The following NEGR1 variants were observed in gnomAD, a reference collection of about 807,000 sequenced individuals.
NEGR1 encodes the protein neuronal growth regulator 1.
In NEGR1, 10 loss-of-function variants were observed where a neutral mutation model predicts 40.9. That is an observed-to-expected ratio of 0.24 (90% CI 0.15 to 0.42). NEGR1 has a LOEUF of 0.42. Among genes scored for constraint, NEGR1 ranks in the 10% least tolerant of loss-of-function variants. The probability of loss-of-function intolerance (pLI) is 1.00; values close to 1 mark genes in which losing one functional copy is unlikely to be tolerated. For missense variants in NEGR1, 352 were observed against 438.9 expected, an observed-to-expected ratio of 0.80 and a Z score of 1.77; for synonymous variants, 185 against 166.8, an observed-to-expected ratio of 1.11 and a Z score of -0.84.
At chr1:71,688,419 G>GAT (rs369173500) in intron 4 of NEGR1, among the ~76,000 whole-genome samples, 156 of 4,808 alleles carry the variant, frequency 0.032, no homozygotes, top group East Asian at 0.056. Context: ...ATATATAAAA[G>GAT]ATATATATAT....
chr1:71,904,220 T>C (rs948140000), intron 2 of NEGR1, among the ~76,000 whole-genome samples: 2 of 152,036 alleles, frequency 1.3e-5, no homozygotes, highest in African/African-American at 4.8e-5. Context: ...TATTTAGTAA[T>C]AACTGGATTT....
At chr1:71,560,114 C>T (rs971392232) in intron 6 of NEGR1, among the ~76,000 whole-genome samples, 2 of 150,770 alleles carry the variant, frequency 1.3e-5, no homozygotes, top group African/African-American at 4.9e-5. Context: ...ATGATGATAA[C>T]TATATATGAA....
chr1:71,534,763 A>G (rs956964432), intron 6 of NEGR1, among the ~76,000 whole-genome samples: 7 of 151,750 alleles, frequency 4.6e-5, no homozygotes, highest in Admixed American at 2.0e-4. Context: ...ATATTCTAGG[A>G]GCTGAAATCA....
At chr1:71,969,163 C>T (rs1043989553) in intron 1 of NEGR1, among the ~76,000 whole-genome samples, 41 of 151,936 alleles carry the variant, frequency 2.7e-4, no homozygotes, top group African/African-American at 8.2e-4. Flanking sequence ...TACAGGCACC[C>T]GCCACCACGC....
At chr1:71,485,445 T>TCCCA (rs2101377426) in intron 6 of NEGR1, among the ~76,000 whole-genome samples, 1 of 151,672 alleles carries the variant, frequency 6.6e-6, no homozygotes, top group Admixed American at 6.6e-5. Context: ...CATTATTATC[T>TCCCA]CCCAGAGTCT....
intron 3 of NEGR1, among the ~76,000 whole-genome samples, chr1:71,721,875 T>C (rs530183520): frequency 1.8e-4 from 28 of 151,924 alleles, no homozygotes; most frequent in African/African-American, 6.0e-4. Context: ...CATGTTAACA[T>C]AGGGAAAAAG....
At chr1:71,716,398 A>G (rs990081891) in intron 3 of NEGR1, among the ~76,000 whole-genome samples, 4 of 152,242 alleles carry the variant, frequency 2.6e-5, no homozygotes, top group Admixed American at 2.6e-4. Context: ...TACCAATAAA[A>G]TTGAAATTTC....
At chr1:71,851,257 T>C (rs1266834318) in intron 2 of NEGR1, among the ~76,000 whole-genome samples, 1 of 152,176 alleles carries the variant, frequency 6.6e-6, no homozygotes, top group Admixed American at 6.6e-5. Flanking sequence ...TGATCCCTGG[T>C]TTATTTCCTA....
chr1:71,435,724 C>A (rs1646504992), intron 6 of NEGR1, among the ~76,000 whole-genome samples: 1 of 152,212 alleles, frequency 6.6e-6, no homozygotes, highest in Non-Finnish European at 1.5e-5. Flanking sequence ...TGCTGCCCAT[C>A]TTTTGACTGC....
chr1:72,064,747 A>G (rs1647234148), intron 1 of NEGR1, among the ~76,000 whole-genome samples: 1 of 152,052 alleles, frequency 6.6e-6, no homozygotes, highest in Admixed American at 6.6e-5. Flanking sequence ...TTGATACCTG[A>G]CATTTAAATT....
At chr1:71,825,690 A>G (rs535372437) in intron 2 of NEGR1, among the ~76,000 whole-genome samples, 128 of 151,982 alleles carry the variant, frequency 8.4e-4, no homozygotes, top group African/African-American at 2.9e-3. Flanking sequence ...GAATTACAAT[A>G]CTTACAGATT....
At chr1:71,957,786 C>T (rs943664423) in intron 1 of NEGR1, among the ~76,000 whole-genome samples, 1 of 152,168 alleles carries the variant, frequency 6.6e-6, no homozygotes, top group African/African-American at 2.4e-5. Context: ...TTCCTCATGG[C>T]CCACAGAATT....
At chr1:72,100,205 A>G (rs1000346245) in intron 1 of NEGR1, among the ~76,000 whole-genome samples, 2 of 151,204 alleles carry the variant, frequency 1.3e-5, no homozygotes, top group Admixed American at 1.3e-4. Flanking sequence ...GATTATAACT[A>G]AAAAACAAAT....
rs559436102 is a variant in NEGR1 at position 71,757,899 on chromosome 1, C to T, written c.535+18273G>A. Among the ~76,000 whole-genome samples the T allele has an allele frequency of 7.9e-5, 12 of 152,052 alleles. No homozygotes were observed. The South Asian group carries it at 1.0e-3, about 13-fold the overall frequency. ...ATTATCTGTCCTCAAACAACTTCTA[C>T]GTAAAAAATGAAGTATATGGTAAAT... On this transcript the variant is annotated intron_variant, in intron 3 of 6. Coordinates refer to ENST00000357731, the MANE Select transcript of NEGR1 (RefSeq NM_173808.3).
At chr1:71,615,898 T>C (rs978194408) in intron 4 of NEGR1, among the ~76,000 whole-genome samples, 1 of 152,170 alleles carries the variant, frequency 6.6e-6, no homozygotes, top group Non-Finnish European at 1.5e-5. Context: ...CATTGGCCAA[T>C]GCATAGAAAA....
At chr1:71,867,867 A>C (rs772790992) in intron 2 of NEGR1, among the ~76,000 whole-genome samples, 1 of 152,170 alleles carries the variant, frequency 6.6e-6, no homozygotes, top group Non-Finnish European at 1.5e-5. Context: ...TCTCTTAGCA[A>C]CACTGTTCAA....
chr1:72,001,149 C>G (rs1646554219), intron 1 of NEGR1, among the ~76,000 whole-genome samples: 2 of 151,948 alleles, frequency 1.3e-5, no homozygotes, highest in Admixed American at 1.3e-4. Flanking sequence ...AATGAGATGC[C>G]CAGACCTCAT....
chr1:72,261,303 T>G (rs946045643), intron 1 of NEGR1, among the ~76,000 whole-genome samples: 1 of 152,250 alleles, frequency 6.6e-6, no homozygotes, highest in Non-Finnish European at 1.5e-5. Flanking sequence ...CCTAACATAA[T>G]GTATTATAAA....
chr1:71,841,429 C>A (rs1659233723), intron 2 of NEGR1, among the ~76,000 whole-genome samples: 1 of 151,974 alleles, frequency 6.6e-6, no homozygotes, highest in Admixed American at 6.6e-5. Context: ...TTGTCAAACC[C>A]CAAATTTGAA....
Sources: allele counts gnomAD v4.1 joint callset (sites outside exome capture counted in the v4.1 genomes callset), GRCh38; gene constraint gnomAD v4.1.1; transcripts MANE v1.5; gene names NCBI Gene and HGNC (gene_info 2026-07-23, HGNC 2026-07-21).